Variants in ABHD2 observed in about 807,000 individuals in gnomAD.
ABHD2 encodes the protein abhydrolase domain containing 2, acylglycerol lipase.
ABHD2 carries 20 observed loss-of-function variants against 48.1 expected under a neutral mutation model. The ratio of observed to expected loss-of-function variants is 0.42; its 90% CI spans 0.29 to 0.60. The LOEUF (loss-of-function observed/expected upper bound fraction) is 0.60. ABHD2 is among the 20% of genes least tolerant of loss of function. The pLI, the probability that ABHD2 is intolerant of heterozygous loss-of-function variation, is 0.24. For synonymous variants in ABHD2, 209 were observed against 214.2 expected, an observed-to-expected ratio of 0.98 and a Z score of 0.21; for missense variants, 405 against 550.9, an observed-to-expected ratio of 0.74 and a Z score of 2.65.
At chr15:89,110,940 C>T (rs2049865005) in intron 1 of ABHD2, among the ~76,000 whole-genome samples, 1 of 152,152 alleles carries the variant, frequency 6.6e-6, no homozygotes, top group Non-Finnish European at 1.5e-5. Flanking sequence ...TAATTCTGTG[C>T]CAGATAAGCC....
the ABHD2 span, among the ~76,000 whole-genome samples, chr15:89,055,262 A>G: frequency 6.6e-6 from 1 of 150,744 alleles, no homozygotes; most frequent in Non-Finnish European, 1.5e-5. Flanking sequence ...TAAAGTGTCT[A>G]TCTTTTGATT....
chr15:89,195,490 C>T lies in ABHD2; in HGVS notation c.*67C>T. On this transcript the variant is annotated 3_prime_UTR_variant, in exon 11 of 11. Coordinates refer to ENST00000352732, the MANE Select transcript of ABHD2 (RefSeq NM_152924.5). The surrounding 1 kb of genome is among the most constrained non-coding windows in gnomAD (Gnocchi z 5.1). ...AGCTGCGTCCCCTCACCCCCTGTTTCAGGTCTCCCATCTCCCTCAGTGACC... is the reference window on the plus strand; with the variant it reads ...AGCTGCGTCCCCTCACCCCCTGTTTTAGGTCTCCCATCTCCCTCAGTGACC... The T allele has an allele frequency of 6.6e-7, 1 of 1,521,130 alleles. No homozygotes were observed. Among genetic ancestry groups the T allele is most frequent in the South Asian group, 1.3e-5 (1 of 79,916 alleles). 94.2% of individuals were successfully genotyped at this position (1,521,130 alleles called of 1,614,324 possible).
At chr15:89,048,306 A>T in the ABHD2 span, among the ~76,000 whole-genome samples, 1 of 152,080 alleles carries the variant, frequency 6.6e-6, no homozygotes, top group Non-Finnish European at 1.5e-5. Context: ...GGGTAACCCA[A>T]CCTTTCTCTC....
chr15:89,052,105 A>T, the ABHD2 span, among the ~76,000 whole-genome samples: 1 of 152,178 alleles, frequency 6.6e-6, no homozygotes, highest in African/African-American at 2.4e-5. Context: ...AGAGGATGGA[A>T]ACAGATTTAC....
chr15:89,055,176 T>G, the ABHD2 span, among the ~76,000 whole-genome samples: 1 of 152,144 alleles, frequency 6.6e-6, no homozygotes, highest in Non-Finnish European at 1.5e-5. Context: ...TCAACCTGAG[T>G]GATGAATTGA....
At chr15:89,131,419 T>A (rs1032605557) in intron 3 of ABHD2, among the ~76,000 whole-genome samples, 3 of 152,222 alleles carry the variant, frequency 2.0e-5, no homozygotes, top group Admixed American at 6.5e-5. Flanking sequence ...TTCTCTTCTC[T>A]GTTGTCTGAT....
the ABHD2 span, among the ~76,000 whole-genome samples, chr15:89,079,599 C>T: frequency 4.6e-5 from 7 of 152,328 alleles, no homozygotes; most frequent in Non-Finnish European, 7.3e-5. This position sits in a 1 kb window ranked among gnomAD's most constrained non-coding sequence, Gnocchi z 4.3. Context: ...GAACCCTCTC[C>T]CCAGTGAAAT....
Position 89,178,761 on chromosome 15 carries a change from G to A in ABHD2, c.722+2766G>A, listed in dbSNP as rs142333504. Among the ~76,000 whole-genome samples the A allele has an allele frequency of 3.8e-3, 576 of 152,258 alleles. 3 individuals are homozygous for A. Among genetic ancestry groups the A allele is most frequent in the South Asian group, 7.1e-3 (34 of 4,818 alleles). On this transcript the variant is annotated intron_variant, in intron 6 of 10. Transcript: ENST00000352732. ...CCTCAGCATAAACAGCTGCCAACCC[G>A]CCTGGGGACTCTGTGTGGTGAGACA...
At chr15:89,063,373 A>C in the ABHD2 span, among the ~76,000 whole-genome samples, 1 of 152,202 alleles carries the variant, frequency 6.6e-6, no homozygotes, top group Non-Finnish European at 1.5e-5. Flanking sequence ...AACTCCTAGA[A>C]TATAGAAAAG....
chr15:89,057,615 G>C, the ABHD2 span, among the ~76,000 whole-genome samples: 1 of 152,146 alleles, frequency 6.6e-6, no homozygotes, highest in Non-Finnish European at 1.5e-5. Flanking sequence ...CGTGCCTGGT[G>C]CATGGGCTCC....
At chr15:89,158,865 T>C (rs2050716559) in intron 5 of ABHD2, among the ~76,000 whole-genome samples, 2 of 151,836 alleles carry the variant, frequency 1.3e-5, no homozygotes, top group South Asian at 4.2e-4. Context: ...GGTCTCACTA[T>C]GTTGTCCAGG....
chr15:89,130,421 T>C (rs1483507473), intron 3 of ABHD2, among the ~76,000 whole-genome samples: 1 of 152,208 alleles, frequency 6.6e-6, no homozygotes, highest in African/African-American at 2.4e-5. Flanking sequence ...GAAATGGCAC[T>C]TGGTCATTTC....
chr15:89,192,406 A>G (rs1481036708), intron 9 of ABHD2, among the ~76,000 whole-genome samples: 3 of 152,156 alleles, frequency 2.0e-5, no homozygotes, highest in African/African-American at 7.2e-5. Flanking sequence ...AAAGAAGGCT[A>G]TTGGCTGTTT....
chr15:89,045,698 G>T, the ABHD2 span, among the ~76,000 whole-genome samples: 1 of 152,194 alleles, frequency 6.6e-6, no homozygotes, highest in Non-Finnish European at 1.5e-5. Flanking sequence ...TTGGCTCTCT[G>T]TCTGTTGTTG....
At chr15:89,131,756 A>C (rs2150845856) in intron 3 of ABHD2, among the ~76,000 whole-genome samples, 1 of 152,358 alleles carries the variant, frequency 6.6e-6, no homozygotes, top group African/African-American at 2.4e-5. Context: ...ACTGAAAATT[A>C]ACCATAAGTG....
chr15:89,155,664 T>C lies in ABHD2; in HGVS notation c.538+130T>C, dbSNP rs1394814821. ...CAAGAGATGGTAGGTCACACGGTTA[T>C]ATCAACAGCCAACTTGTACTGGGCA... is the stretch of plus-strand genomic sequence containing the variant. On this transcript the variant is annotated intron_variant, in intron 5 of 10. Transcript: ENST00000352732. The surrounding 1 kb of genome is among the most constrained non-coding windows in gnomAD (Gnocchi z 4.9). The C allele has an allele frequency of 1.7e-6, 2 of 1,175,524 alleles. No homozygotes were observed. The highest frequency in any genetic ancestry group is 2.4e-6 in the Non-Finnish European group (2 of 845,034). 72.8% of individuals were successfully genotyped at this position (1,175,524 alleles called of 1,614,324 possible).
chr15:89,159,218 A>G (rs891032588), intron 5 of ABHD2, among the ~76,000 whole-genome samples: 12 of 151,936 alleles, frequency 7.9e-5, no homozygotes, highest in African/African-American at 2.2e-4. Flanking sequence ...GTCTACTACA[A>G]ACACAAAAAT....
At chr15:89,126,390 A>G (rs1034499899) in intron 3 of ABHD2, among the ~76,000 whole-genome samples, 5 of 152,152 alleles carry the variant, frequency 3.3e-5, no homozygotes, top group African/African-American at 7.2e-5. Context: ...CTCCTTCTCA[A>G]TGTGTGGTTG....
rs780857920 is a variant in ABHD2 at position 89,120,054 on chromosome 15, G to T, written c.194+3533G>T. Among the ~76,000 whole-genome samples, 1 of 152,192 alleles carries T rather than the reference G, an allele frequency of 6.6e-6. No homozygotes were observed. The highest frequency in any genetic ancestry group is 2.4e-5 in the African/African-American group (1 of 41,442). ...ATGATGACATGCGCGGAATCAGGAC[G>T]TGTCTTCTTACTGTTCTGGTATAGA... On this transcript the variant is annotated intron_variant, in intron 3 of 10. Coordinates refer to ENST00000352732, the MANE Select transcript of ABHD2 (RefSeq NM_152924.5). The surrounding 1 kb of genome is among the most constrained non-coding windows in gnomAD (Gnocchi z 4.2).
Sources: gnomAD v4.1 joint callset for allele counts (sites outside exome capture counted in the v4.1 genomes callset) on GRCh38, gnomAD v4.1.1 for gene constraint, Gnocchi (gnomAD v3.1) non-coding constraint, MANE v1.5 for transcripts, NCBI Gene and HGNC (gene_info 2026-07-23, HGNC 2026-07-21) for gene names.